PLA2R1: variants seen among roughly 807,000 people sequenced by gnomAD.
PLA2R1 encodes the protein secretory phospholipase A2 receptor.
PLA2R1 carries 158 observed loss-of-function variants against 195.9 expected under a neutral mutation model. The observed-to-expected ratio is 0.81, with a 90% confidence interval of 0.71 to 0.92. The LOEUF (loss-of-function observed/expected upper bound fraction) is 0.92, where lower values mean the gene tolerates loss of function less well. Among genes scored for constraint, PLA2R1 ranks in the 40% least tolerant of loss-of-function variants. The probability of loss-of-function intolerance (pLI) is 0.00; values close to 1 mark genes in which losing one functional copy is unlikely to be tolerated. For synonymous variants in PLA2R1, 586 were observed against 598.2 expected, an observed-to-expected ratio of 0.98 and a Z score of 0.30; for missense variants, 1,626 against 1,764.6, an observed-to-expected ratio of 0.92 and a Z score of 1.41.
chr2:160,032,842 T>A (rs1327355016), intron 4 of PLA2R1, 117 bp downstream of exon 4: 2 of 879,548 alleles, frequency 2.3e-6, no homozygotes, highest in Admixed American at 5.2e-5. Context: ...GGCCATATTA[T>A]GGAAAGAAAA....
chr2:160,002,152 A>G (rs1261011997), intron 11 of PLA2R1, among the ~76,000 whole-genome samples: 1 of 151,826 alleles, frequency 6.6e-6, no homozygotes, highest in Non-Finnish European at 1.5e-5. Flanking sequence ...AACAAAAGGA[A>G]CTAGAAACAC....
At chr2:160,033,853 T>C (rs935210907) in intron 3 of PLA2R1, among the ~76,000 whole-genome samples, 3 of 152,122 alleles carry the variant, frequency 2.0e-5, no homozygotes, top group African/African-American at 7.2e-5. Context: ...GTGAACTAAG[T>C]AGCCACAATA....
chr2:159,941,980 C>T lies in PLA2R1; in HGVS notation c.4190G>A (p.Ser1397Asn). Residue 1397 changes from serine (S) to asparagine (N), a missense_variant, in exon 30 of 30, where the codon AGC becomes AAC. Transcript: ENST00000283243. Reference sequence around the variant, plus strand: ...CAGTACAACCGCAAGAGGAATGATGCTGTGACTTGGTCCTGAAAGAAGATA... The same window carrying T: ...CAGTACAACCGCAAGAGGAATGATGTTGTGACTTGGTCCTGAAAGAAGATA... ...EALPEKGPSHSIIPLAVVLTL... is the reference protein window; with the variant it reads ...EALPEKGPSHNIIPLAVVLTL... The T allele has an allele frequency of 6.2e-7, 1 of 1,613,140 alleles. No homozygotes were observed. The highest frequency in any genetic ancestry group is 8.5e-7 in the Non-Finnish European group (1 of 1,179,304).
At chr2:160,056,045 C>A (rs774318798) in intron 1 of PLA2R1, among the ~76,000 whole-genome samples, 1 of 152,054 alleles carries the variant, frequency 6.6e-6, no homozygotes, top group Non-Finnish European at 1.5e-5. Flanking sequence ...GCAGACTCCC[C>A]GCTATTCTCC....
intron 3 of PLA2R1, among the ~76,000 whole-genome samples, chr2:160,038,845 T>C (rs1031739736): frequency 7.2e-5 from 11 of 151,870 alleles, no homozygotes; most frequent in African/African-American, 2.4e-4. Flanking sequence ...ATCTGCTTGT[T>C]TGTCTTTTTT....
chr2:160,022,936 C>A, intron 6 of PLA2R1, 77 bp from the exon 7 acceptor site: 1 of 971,444 alleles, frequency 1.0e-6, no homozygotes, highest in South Asian at 1.8e-5. Flanking sequence ...TGTAAATTGC[C>A]ATTAATATGA....
Position 159,976,193 on chromosome 2 carries a change from A to G in PLA2R1, c.2470T>C (p.Tyr824His), listed in dbSNP as rs1487571508. 1.2e-6 allele frequency: 2 copies of G among 1,611,168 alleles called. No homozygotes were observed. The highest frequency in any genetic ancestry group is 1.3e-5 in the African/African-American group (1 of 74,864). Residue 824 changes from tyrosine (Y) to histidine (H), a missense_variant, in exon 17 of 30, where the codon TAC becomes CAC. By Grantham distance (83) the Tyr-to-His change is moderately conservative. Coordinates refer to ENST00000283243, the MANE Select transcript of PLA2R1 (RefSeq NM_007366.5). ...VPWLFYQDAE[Y>H]LFHTFASEWL... ...TCTGAGGCAAAGGTATGAAAAAGGTATTCTGCATCCTGATAAAAGAGCCAG... is the reference window on the plus strand; with the variant it reads ...TCTGAGGCAAAGGTATGAAAAAGGTGTTCTGCATCCTGATAAAAGAGCCAG...
At chr2:160,026,040 CTAAG>C (rs1255661241) in intron 6 of PLA2R1, among the ~76,000 whole-genome samples, 1 of 152,098 alleles carries the variant, frequency 6.6e-6, no homozygotes, top group African/African-American at 2.4e-5. Flanking sequence ...AAATGGGTAA[CTAAG>C]TGAGATGATG....
At chr2:160,048,437 TC>T (rs1473663428) in intron 1 of PLA2R1, among the ~76,000 whole-genome samples, 1 of 152,236 alleles carries the variant, frequency 6.6e-6, no homozygotes, top group East Asian at 1.9e-4. Context: ...AGCCCATTTT[TC>T]CATTAAGTTA....
intron 1 of PLA2R1, among the ~76,000 whole-genome samples, chr2:160,049,742 C>T (rs1215630483): frequency 6.6e-6 from 1 of 152,162 alleles, no homozygotes; most frequent in Non-Finnish European, 1.5e-5. Context: ...ACAAGAATCA[C>T]TTGAACCCAG....
chr2:159,953,911 G>A (rs1687921028), intron 23 of PLA2R1, among the ~76,000 whole-genome samples: 1 of 152,156 alleles, frequency 6.6e-6, no homozygotes, highest in Non-Finnish European at 1.5e-5. Flanking sequence ...TCGGCTCACT[G>A]CAACCTCCGC....
chr2:159,996,281 T>G (rs1691205460), intron 11 of PLA2R1, among the ~76,000 whole-genome samples: 1 of 152,070 alleles, frequency 6.6e-6, no homozygotes, highest in Non-Finnish European at 1.5e-5. Context: ...AAAATTCTCC[T>G]TCATTTTTAA....
chr2:160,037,762 C>A (rs1038472887), intron 3 of PLA2R1, among the ~76,000 whole-genome samples: 2 of 152,182 alleles, frequency 1.3e-5, no homozygotes, highest in Non-Finnish European at 2.9e-5. Flanking sequence ...TTCTACTCAT[C>A]TCTTGGGCTA....
At chr2:160,005,975 C>T (rs546460556) in intron 10 of PLA2R1, among the ~76,000 whole-genome samples, 154 bp from the exon 11 acceptor site, 4 of 152,196 alleles carry the variant, frequency 2.6e-5, no homozygotes, top group Non-Finnish European at 5.9e-5. Context: ...AGACCCTGAA[C>T]ATTACTAATA....
At position 159,935,875 on chromosome 2, in the gene PLA2R1, T is replaced by G. The variant is rs577254501; in HGVS notation, c.*5903A>C. The G allele has an allele frequency of 6.6e-6, 1 of 152,220 alleles. No individual in the cohort carries two copies. Among genetic ancestry groups the G allele is most frequent in the East Asian group, 1.9e-4 (1 of 5,188 alleles). 9.4% of individuals were successfully genotyped at this position (152,220 alleles called of 1,614,324 possible). A position where few individuals can be genotyped will look rare whatever the true frequency, so the allele number is the denominator to read the frequency against. On this transcript the variant is annotated 3_prime_UTR_variant, in exon 30 of 30. Coordinates refer to ENST00000283243, the MANE Select transcript of PLA2R1 (RefSeq NM_007366.5). ...AGAATTTTATCCTAATGAGATATAC[T>G]TTAATTTGTGAAATATTTTATTCAT...
intron 19 of PLA2R1, among the ~76,000 whole-genome samples, chr2:159,968,983 T>G (rs1385733552): frequency 6.6e-6 from 1 of 152,206 alleles, no homozygotes; most frequent in African/African-American, 2.4e-5. Flanking sequence ...AGGCATATAT[T>G]TCTTTAAAGT....
At chr2:160,005,426 C>T (rs1691910025) in intron 11 of PLA2R1, among the ~76,000 whole-genome samples, 1 of 150,994 alleles carries the variant, frequency 6.6e-6, no homozygotes, top group African/African-American at 2.4e-5. Context: ...CAGAGCGAGA[C>T]CTCGTCTCAA....
intron 24 of PLA2R1, 147 bp from the exon 25 acceptor site, chr2:159,949,923 T>A (rs150424008): frequency 1.6e-6 from 1 of 609,650 alleles, no homozygotes; most frequent in African/African-American, 1.8e-5. Context: ...GAATACAGCT[T>A]GACAAACAGG....
In PLA2R1 at chr2:160,032,959, C is replaced by T. The variant is rs1225884840; in HGVS notation, c.841G>A (p.Glu281Lys). ...CAATGTGCGTCATCCACCTACTTAC[C>T]CCTTATGAAATTTTCTTCAGTTTCA... ...TDETEENFIR[E>K]HMSSKTVEVW... Residue 281 changes from glutamate (E) to lysine (K), a missense_variant and splice_region_variant, in exon 4 of 30, where the codon GAG becomes AAG. Physicochemically the swap from Glu to Lys is moderately conservative, Grantham distance 56. Transcript: ENST00000283243. 1.2e-6 allele frequency: 2 copies of T among 1,600,320 alleles called. No homozygotes were observed. Among genetic ancestry groups the T allele is most frequent in the South Asian group, 2.2e-5 (2 of 89,794 alleles).
Sources: allele counts gnomAD v4.1 joint callset (sites outside exome capture counted in the v4.1 genomes callset), GRCh38; gene constraint gnomAD v4.1.1; transcripts MANE v1.5; gene names NCBI Gene and HGNC (gene_info 2026-07-23, HGNC 2026-07-21).